The following ROR2 variants were observed in gnomAD, a reference collection of about 807,000 sequenced individuals.
ROR2 encodes tyrosine-protein kinase transmembrane receptor ROR2.
Under a neutral mutation model 74.9 loss-of-function variants are expected in ROR2, and 33 were observed. The ratio of observed to expected loss-of-function variants is 0.44; its 90% CI spans 0.33 to 0.59. The LOEUF (loss-of-function observed/expected upper bound fraction) is 0.59. ROR2 is among the 20% of genes least tolerant of loss of function. The pLI, the probability that ROR2 is intolerant of heterozygous loss-of-function variation, is 0.02. For synonymous variants in ROR2, 586 were observed against 558.7 expected, an observed-to-expected ratio of 1.05 and a Z score of -0.69; for missense variants, 1,216 against 1,313.8, an observed-to-expected ratio of 0.93 and a Z score of 1.15.
intron 1 of ROR2, among the ~76,000 whole-genome samples, chr9:91,779,950 T>G (rs913837615): frequency 6.6e-6 from 1 of 152,246 alleles, no homozygotes; most frequent in Non-Finnish European, 1.5e-5. Flanking sequence ...TTTATGAATG[T>G]CTTGTATATT....
At chr9:91,743,631 G>A (rs1420163276) in intron 4 of ROR2, among the ~76,000 whole-genome samples, 1 of 151,420 alleles carries the variant, frequency 6.6e-6, no homozygotes, top group African/African-American at 2.4e-5. Flanking sequence ...ATCTAACAAG[G>A]ACACCACAAG....
intron 1 of ROR2, among the ~76,000 whole-genome samples, chr9:91,779,795 T>C (rs1253760027): frequency 6.6e-6 from 1 of 152,234 alleles, no homozygotes; most frequent in African/African-American, 2.4e-5. Flanking sequence ...TGTTATTCAA[T>C]GATTTATACA....
intron 4 of ROR2, among the ~76,000 whole-genome samples, chr9:91,746,980 G>A (rs1198467943): frequency 6.6e-6 from 1 of 152,084 alleles, no homozygotes; most frequent in African/African-American, 2.4e-5. Flanking sequence ...TCTGACTTCG[G>A]GAAGGCAGCA....
chr9:91,893,216 G>A (rs1830466018), intron 1 of ROR2, among the ~76,000 whole-genome samples: 1 of 152,138 alleles, frequency 6.6e-6, no homozygotes, highest in Admixed American at 6.5e-5. Flanking sequence ...CCAGGCTGAA[G>A]CTGGGCATGG....
At chr9:91,941,578 C>T (rs558643800) in intron 1 of ROR2, among the ~76,000 whole-genome samples, 2 of 152,152 alleles carry the variant, frequency 1.3e-5, no homozygotes, top group Non-Finnish European at 2.9e-5. Context: ...AAATAACTTA[C>T]GCTCACCTTC....
At chr9:91,906,189 A>G (rs530007145) in intron 1 of ROR2, among the ~76,000 whole-genome samples, 7 of 152,186 alleles carry the variant, frequency 4.6e-5, no homozygotes, top group African/African-American at 1.4e-4. Flanking sequence ...TGAGGGGGAG[A>G]GCAGCGTGCA....
At chr9:91,930,592 G>A (rs755400273) in intron 1 of ROR2, among the ~76,000 whole-genome samples, 8 of 152,198 alleles carry the variant, frequency 5.3e-5, no homozygotes, top group Non-Finnish European at 1.2e-4. Flanking sequence ...TTTCTTTGCA[G>A]CACTGGGCAC....
At chr9:91,948,618 TAGGGCGGCAGGCC>T in intron 1 of ROR2, 1 of 985,464 alleles carries the variant, frequency 1.0e-6, no homozygotes, top group Non-Finnish European at 1.2e-6. Flanking sequence ...TTGGGCCGGC[TAGGGCGGCAGGCC>T]AGGATACCTG....
At chr9:91,898,255 A>G (rs555463634) in intron 1 of ROR2, among the ~76,000 whole-genome samples, 5 of 152,318 alleles carry the variant, frequency 3.3e-5, no homozygotes, top group African/African-American at 9.6e-5. Context: ...CTCGGAGGAA[A>G]GGTGACCTGT....
intron 1 of ROR2, among the ~76,000 whole-genome samples, chr9:91,814,560 T>C (rs945366076): frequency 1.1e-4 from 16 of 152,132 alleles, no homozygotes; most frequent in Admixed American, 3.3e-4. Context: ...AGCGATACCA[T>C]TAAAGCAGAC....
At chr9:91,849,437 T>G (rs151101336) in intron 1 of ROR2, among the ~76,000 whole-genome samples, 3 of 152,210 alleles carry the variant, frequency 2.0e-5, no homozygotes, top group Non-Finnish European at 4.4e-5. Flanking sequence ...AACTTTCCTG[T>G]TAAAACTAAC....
chr9:91,943,620 TAAG>T (rs1174733261), intron 1 of ROR2, among the ~76,000 whole-genome samples: 1 of 152,150 alleles, frequency 6.6e-6, no homozygotes, highest in Non-Finnish European at 1.5e-5. Flanking sequence ...TCAAACCTAC[TAAG>T]AAGGGTGCCA....
chr9:91,824,094 C>T (rs938366585), intron 1 of ROR2, among the ~76,000 whole-genome samples: 2 of 152,282 alleles, frequency 1.3e-5, no homozygotes, highest in Non-Finnish European at 1.5e-5. Flanking sequence ...TTTCATGTGC[C>T]GACGATAGAA....
chr9:91,798,641 G>C (rs1341821750), intron 1 of ROR2, among the ~76,000 whole-genome samples: 1 of 134,766 alleles, frequency 7.4e-6, no homozygotes, highest in Non-Finnish European at 1.5e-5. Context: ...CTCTGTGGGC[G>C]AGCTGACACC....
rs368748838 is a variant in ROR2 at position 91,867,133 on chromosome 9, A to G, written c.97+82734T>C. Reference sequence around the variant, plus strand: ...TCTTTAGGGACTCCTTAGCATCTCCAGGTTTGAACTTAACATAGTCCCAAA... The same window carrying G: ...TCTTTAGGGACTCCTTAGCATCTCCGGGTTTGAACTTAACATAGTCCCAAA... On this transcript the variant is annotated intron_variant, in intron 1 of 8. Coordinates refer to ENST00000375708, the MANE Select transcript of ROR2 (RefSeq NM_004560.4). Among the ~76,000 whole-genome samples the G allele has an allele frequency of 3.2e-4, 49 of 152,340 alleles. No individual in the cohort carries two copies. In the South Asian group the frequency reaches 0.01, roughly 32 times the overall value.
intron 1 of ROR2, among the ~76,000 whole-genome samples, chr9:91,828,348 T>C (rs1190503466): frequency 6.6e-6 from 1 of 152,214 alleles, no homozygotes; most frequent in Non-Finnish European, 1.5e-5. Flanking sequence ...CTCCAATATA[T>C]TGTATGTAAA....
intron 1 of ROR2, among the ~76,000 whole-genome samples, chr9:91,871,652 T>A (rs989482553): frequency 6.6e-6 from 1 of 152,168 alleles, no homozygotes; most frequent in East Asian, 1.9e-4. Flanking sequence ...TGTGATTGCT[T>A]TGACCCCCAG....
intron 1 of ROR2, chr9:91,887,243 T>C (rs1012549543): frequency 1.3e-5 from 2 of 152,222 alleles, no homozygotes; most frequent in African/African-American, 4.8e-5. Context: ...GTATGTAATA[T>C]TTCAGATGCA....
chr9:91,948,792 A>C (rs1325381243), intron 1 of ROR2: 2 of 985,338 alleles, frequency 2.0e-6, no homozygotes, highest in African/African-American at 3.5e-5. Context: ...CGGGGGCTTC[A>C]GGCGAACCCC....
Sources: allele counts gnomAD v4.1 joint callset (sites outside exome capture counted in the v4.1 genomes callset), GRCh38; gene constraint gnomAD v4.1.1; transcripts MANE v1.5; gene names NCBI Gene and HGNC (gene_info 2026-07-23, HGNC 2026-07-21).